TSPAN31: variants seen among roughly 807,000 people sequenced by gnomAD.
The protein encoded by TSPAN31 is tetraspanin 31.
In TSPAN31, 16 loss-of-function variants were observed where a neutral mutation model predicts 24.8. The ratio of observed to expected loss-of-function variants is 0.64; its 90% CI spans 0.44 to 0.98. The LOEUF (loss-of-function observed/expected upper bound fraction) is 0.98, where lower values mean the gene tolerates loss of function less well. Ranked by LOEUF, TSPAN31 falls within the 50% of genes least tolerant of loss-of-function variation. The probability of loss-of-function intolerance (pLI) is 0.00; values close to 1 mark genes in which losing one functional copy is unlikely to be tolerated. For missense variants in TSPAN31, 209 were observed against 251.6 expected (o/e 0.83, Z 1.15); for synonymous variants, 87 against 91.4 (o/e 0.95, Z 0.27).
intron 1 of TSPAN31, 188 bp downstream of exon 1, chr12:57,745,405 T>A: frequency 1.6e-6 from 1 of 624,308 alleles, no homozygotes; most frequent in Non-Finnish European, 2.7e-6. Flanking sequence ...AGGGGGTTTG[T>A]CTGAGGGTGG....
chr12:57,747,554 G>A lies in TSPAN31; in HGVS notation c.*264G>A, dbSNP rs1458121562. 3 of 401,170 alleles carry A rather than the reference G, an allele frequency of 7.5e-6. No homozygotes were observed. The highest frequency in any genetic ancestry group is 1.4e-5 in the Non-Finnish European group (3 of 220,484). The allele number at this position is 401,170 out of a possible 1,614,324, so 24.9% of individuals were successfully genotyped here. ...CTGTGAGTGCATAGGATGGGGGCTGGAGTCATTCTTAGCTGTTTCCCTTCC... is the reference window on the plus strand; with the variant it reads ...CTGTGAGTGCATAGGATGGGGGCTGAAGTCATTCTTAGCTGTTTCCCTTCC... On this transcript the variant is annotated 3_prime_UTR_variant, in exon 6 of 6. Transcript: ENST00000257910.
rs1955141404 is a variant in TSPAN31 at position 57,745,841 on chromosome 12, G to T, written c.160G>T (p.Val54Phe). Residue 54 changes from valine (V) to phenylalanine (F), a missense_variant, in exon 2 of 6, where the codon GTC (valine) becomes TTC (phenylalanine). Transcript: ENST00000257910. ...CATCGGCGGAGTCATTGCTGTGGGAGTCTTCCTTCTCCTTATTGCAGTGGC... is the reference window on the plus strand; with the variant it reads ...CATCGGCGGAGTCATTGCTGTGGGATTCTTCCTTCTCCTTATTGCAGTGGC... ...HIIGGVIAVG[V>F]FLLLIAVAGL... The T allele has an allele frequency of 6.2e-7, 1 of 1,613,998 alleles. No individual in the cohort carries two copies. The highest frequency in any genetic ancestry group is 1.1e-5 in the South Asian group (1 of 91,080).
In TSPAN31 at chr12:57,749,128, A is replaced by G. The variant is rs1202017432; in HGVS notation, c.*1838A>G. On this transcript the variant is annotated 3_prime_UTR_variant, in exon 6 of 6. Transcript: ENST00000257910. Reference sequence around the variant, plus strand: ...TGGCCAGGGCCCTGCATACTGCTCTATTTCTTTCCCCAGTCTCTATTTCTT... The same window carrying G: ...TGGCCAGGGCCCTGCATACTGCTCTGTTTCTTTCCCCAGTCTCTATTTCTT... 2.5e-6 allele frequency: 4 copies of G among 1,611,606 alleles called. No individual in the cohort carries two copies. The highest frequency in any genetic ancestry group is 1.7e-5 in the Admixed American group (1 of 59,988).
Position 57,745,458 on chromosome 12 carries a change from T to A in TSPAN31, c.63+241T>A, listed in dbSNP as rs1023029808. 13 of 600,310 alleles carry A rather than the reference T, an allele frequency of 2.2e-5. No individual in the cohort carries two copies. The African/African-American group carries it at 2.4e-4, about 11-fold the overall frequency. The allele number at this position is 600,310 out of a possible 1,614,324, so 37.2% of individuals were successfully genotyped here. A position where few individuals can be genotyped will look rare whatever the true frequency, so the allele number is the denominator to read the frequency against. On this transcript the variant is annotated intron_variant, in intron 1 of 5. Transcript: ENST00000257910. Reference sequence around the variant, plus strand: ...CGTGGGCGTAAGTTCCATACCTCCTTCCTGTGAACCTCAGTTTCTTCCAAA... The same window carrying A: ...CGTGGGCGTAAGTTCCATACCTCCTACCTGTGAACCTCAGTTTCTTCCAAA...
chr12:57,745,315 C>T (rs961848397), intron 1 of TSPAN31, 98 bp downstream of exon 1: 1 of 1,335,772 alleles, frequency 7.5e-7, no homozygotes, highest in Non-Finnish European at 1.0e-6. Flanking sequence ...ATGGGGGTTC[C>T]GGGAAGATTC....
Position 57,748,301 on chromosome 12 carries a change from G to C in TSPAN31, c.*1011G>C, listed in dbSNP as rs1367654009. On this transcript the variant is annotated 3_prime_UTR_variant, in exon 6 of 6. Transcript: ENST00000257910. ...GACCCCAAATATAAAGGTAGGGAAA[G>C]GGACAAGAGGGAACATACCCCTTAG... 1.9e-6 allele frequency: 1 copy of C among 516,708 alleles called. No individual in the cohort carries two copies. The highest frequency in any genetic ancestry group is 3.5e-6 in the Non-Finnish European group (1 of 284,400). The allele number at this position is 516,708 out of a possible 1,614,324, so 32.0% of individuals were successfully genotyped here.
rs1955208762 is a variant in TSPAN31, at chr12:57,749,656, C to T, written c.*2366C>T. The T allele has an allele frequency of 4.0e-6, 3 of 758,670 alleles. No individual in the cohort carries two copies. The South Asian group carries it at 4.4e-5, about 11-fold the overall frequency. The allele number at this position is 758,670 out of a possible 1,614,324, so 47.0% of individuals were successfully genotyped here. A position where few individuals can be genotyped will look rare whatever the true frequency, so the allele number is the denominator to read the frequency against. On this transcript the variant is annotated 3_prime_UTR_variant, in exon 6 of 6. Transcript: ENST00000257910. The stretch of plus-strand genomic sequence containing the variant: ...CTGAGGTGAGAGGACTGCTTGAGCC[C>T]AGGAGTTCTAGATCAGCCTGGGCAA...
intron 2 of TSPAN31, 82 bp downstream of exon 2, chr12:57,745,994 C>T (rs954210624): frequency 6.6e-7 from 1 of 1,523,698 alleles, no homozygotes; most frequent in Non-Finnish European, 8.8e-7. Flanking sequence ...GGTAGGGGAC[C>T]TCAGGGATCT....
rs753943406 is a variant in TSPAN31 at position 57,749,172 on chromosome 12, T to C, written c.*1882T>C. 6.2e-7 allele frequency: 1 copy of C among 1,613,944 alleles called. No individual in the cohort carries two copies. Among genetic ancestry groups the C allele is most frequent in the Non-Finnish European group, 8.5e-7 (1 of 1,179,832 alleles). On this transcript the variant is annotated 3_prime_UTR_variant, in exon 6 of 6. Coordinates refer to ENST00000257910, the MANE Select transcript of TSPAN31 (RefSeq NM_005981.5). Reference sequence around the variant, plus strand: ...ATTTCTTTCCCTGTGCCCACAGCCATCTCCAGTACCAGCAGCAGCTGTGCT... The same window carrying C: ...ATTTCTTTCCCTGTGCCCACAGCCACCTCCAGTACCAGCAGCAGCTGTGCT...
At chr12:57,745,948 C>A (rs1367789573) in intron 2 of TSPAN31, 36 bp downstream of exon 2, 1 of 1,560,832 alleles carries the variant, frequency 6.4e-7, no homozygotes, top group Non-Finnish European at 8.6e-7. Flanking sequence ...CAACCGGGGG[C>A]TTGGGAGGGC....
chr12:57,749,558 AAT>A lies in TSPAN31; in HGVS notation c.*2269_*2270del. Reference sequence around the variant, plus strand: ...GTCATTTTCAAAGATATCTTAGTTGAATGGTTACTGCTTAGTGGCTCAAAATA... The same window carrying A: ...GTCATTTTCAAAGATATCTTAGTTGAGGTTACTGCTTAGTGGCTCAAAATA... On this transcript the variant is annotated 3_prime_UTR_variant, in exon 6 of 6. Transcript: ENST00000257910. 6.5e-7 allele frequency: 1 copy of A among 1,530,078 alleles called. No individual in the cohort carries two copies. Among genetic ancestry groups the A allele is most frequent in the Non-Finnish European group, 9.1e-7 (1 of 1,104,094 alleles). 94.8% of individuals were successfully genotyped at this position (1,530,078 alleles called of 1,614,324 possible). A position where few individuals can be genotyped will look rare whatever the true frequency, so the allele number is the denominator to read the frequency against.
Position 57,748,939 on chromosome 12 carries a change from C to G in TSPAN31, c.*1649C>G. On this transcript the variant is annotated 3_prime_UTR_variant, in exon 6 of 6. Coordinates refer to ENST00000257910, the MANE Select transcript of TSPAN31 (RefSeq NM_005981.5). ...CAGGCTGGTCTCGAACTCCTGACCT[C>G]AGGTGATACGCCCACCTTGGCCTCC... 1 of 585,956 alleles carries G rather than the reference C, an allele frequency of 1.7e-6. No individual in the cohort carries two copies. The highest frequency in any genetic ancestry group is 3.0e-5 in the East Asian group (1 of 33,708). The allele number at this position is 585,956 out of a possible 1,614,324, so 36.3% of individuals were successfully genotyped here.
Position 57,745,888 on chromosome 12 carries a change from C to A in TSPAN31, c.207C>A (p.Asn69Lys), listed in dbSNP as rs1343875401. Residue 69 changes from asparagine to lysine, a missense_variant, in exon 2 of 6, where the codon AAC becomes AAA. By Grantham distance (94) the Asn-to-Lys change is moderately conservative (BLOSUM62 0). Coordinates refer to ENST00000257910, the MANE Select transcript of TSPAN31 (RefSeq NM_005981.5). ...IAVAGLVGAVNHHQVLLFFYM... is the reference protein window; with the variant it reads ...IAVAGLVGAVKHHQVLLFFYM... The stretch of plus-strand genomic sequence containing the variant: ...TGGCTGGACTGGTGGGTGCTGTCAA[C>A]CACCACCAAGTCCTGCTGTTCTTTG... The A allele has an allele frequency of 6.2e-7, 1 of 1,609,694 alleles. No homozygotes were observed. The highest frequency in any genetic ancestry group is 2.2e-5 in the East Asian group (1 of 44,876).
At chr12:57,745,323 T>C in intron 1 of TSPAN31, 106 bp downstream of exon 1, 1 of 1,289,256 alleles carries the variant, frequency 7.8e-7, no homozygotes, top group Non-Finnish European at 1.1e-6. Flanking sequence ...TCCGGGAAGA[T>C]TCCCAGGAAC....
In TSPAN31 at chr12:57,747,819, C is replaced by T. The variant is rs184712; in HGVS notation, c.*529C>T. 35,620 of 168,038 alleles carry T rather than the reference C, an allele frequency of 0.21. 4,201 individuals are homozygous for T. The highest frequency in any genetic ancestry group is 0.29 in the Admixed American group (4,601 of 16,078). The allele number at this position is 168,038 out of a possible 1,614,324, so 10.4% of individuals were successfully genotyped here. On this transcript the variant is annotated 3_prime_UTR_variant, in exon 6 of 6. Coordinates refer to ENST00000257910, the MANE Select transcript of TSPAN31 (RefSeq NM_005981.5). ...GTGCAATGGCATGATCTCGGCTCAC[C>T]GCAACCTCTGCCTCCCGGGTTCAAG...
intron 3 of TSPAN31, 127 bp from the exon 4 acceptor site, chr12:57,746,462 G>T: frequency 1.6e-6 from 2 of 1,269,710 alleles, no homozygotes; most frequent in Non-Finnish European, 2.3e-6. Flanking sequence ...GATATTTATC[G>T]TGTCTATAAT....
rs1955170021 is a variant in TSPAN31 at position 57,747,373 on chromosome 12, T to G, written c.*83T>G. Reference sequence around the variant, plus strand: ...AGGGAATATCTAGGGTCTGTAACCGTTTTGGTTTGAGAAAAAGGAAAGGCC... The same window carrying G: ...AGGGAATATCTAGGGTCTGTAACCGGTTTGGTTTGAGAAAAAGGAAAGGCC... On this transcript the variant is annotated 3_prime_UTR_variant, in exon 6 of 6. Transcript: ENST00000257910. 1 of 1,352,874 alleles carries G rather than the reference T, an allele frequency of 7.4e-7. No individual in the cohort carries two copies. The highest frequency in any genetic ancestry group is 1.5e-5 in the African/African-American group (1 of 68,276). 83.8% of individuals were successfully genotyped at this position (1,352,874 alleles called of 1,614,324 possible).
Position 57,747,145 on chromosome 12 carries a change from G to A in TSPAN31, c.558+14G>A. On this transcript the variant is annotated intron_variant, in intron 5 of 5. Coordinates refer to ENST00000257910, the MANE Select transcript of TSPAN31 (RefSeq NM_005981.5). ...AGCTTTACAGAGGTAACATTCTCCA[G>A]TTCCCTCACACACATCCTTTTTGAG... The A allele has an allele frequency of 6.2e-7, 1 of 1,613,156 alleles. No individual in the cohort carries two copies. The highest frequency in any genetic ancestry group is 8.5e-7 in the Non-Finnish European group (1 of 1,179,122).
At position 57,745,735 on chromosome 12, in the gene TSPAN31, T is replaced by G; in HGVS notation, c.64-10T>G. ...GAATTGTTGAGATGTATCCTGCTCT[T>G]TCTTCGTAGCTGGTGAGCTTGTTGC... is the stretch of plus-strand genomic sequence containing the variant. On this transcript the variant is annotated splice_polypyrimidine_tract_variant and intron_variant, in intron 1 of 5. Coordinates refer to ENST00000257910, the MANE Select transcript of TSPAN31 (RefSeq NM_005981.5). 1 of 1,614,002 alleles carries G rather than the reference T, an allele frequency of 6.2e-7. No homozygotes were observed. The highest frequency in any genetic ancestry group is 8.5e-7 in the Non-Finnish European group (1 of 1,179,966).
Sources: allele counts gnomAD v4.1 joint callset, GRCh38; gene constraint gnomAD v4.1.1; transcripts MANE v1.5; gene names NCBI Gene and HGNC (gene_info 2026-07-23, HGNC 2026-07-21).